The following MYH4 variants were observed in gnomAD, a reference collection of about 807,000 sequenced individuals.
MYH4 encodes the protein myosin heavy chain 4, also known as myosin-4.
In MYH4, 200 loss-of-function variants were observed where a neutral mutation model predicts 229.9. That is an observed-to-expected ratio of 0.87 (90% CI 0.78 to 0.98). MYH4 has a LOEUF of 0.98. Ranked by LOEUF, MYH4 falls within the 50% of genes least tolerant of loss-of-function variation. The pLI, the probability that MYH4 is intolerant of heterozygous loss-of-function variation, is 0.00. For synonymous variants in MYH4, 761 were observed against 834.6 expected (o/e 0.91, Z 1.52); for missense variants, 2,148 against 2,332.6 (o/e 0.92, Z 1.63).
At chr17:10,447,267 G>A (rs1421618268) in intron 34 of MYH4, 51 bp from the exon 35 acceptor site, 4 of 1,518,780 alleles carry the variant, frequency 2.6e-6, no homozygotes, top group Non-Finnish European at 3.6e-6. Context: ...TAAAGCAAAT[G>A]CAAACTTATG....
In MYH4 at chr17:10,447,883, T is replaced by C; in HGVS notation, c.4900A>G (p.Asn1634Asp). The C allele has an allele frequency of 6.2e-7, 1 of 1,614,110 alleles. No homozygotes were observed. Among genetic ancestry groups the C allele is most frequent in the South Asian group, 1.1e-5 (1 of 91,082 alleles). Residue 1634 changes from asparagine (N) to aspartate (D), a missense_variant, in exon 34 of 40, where the codon AAC becomes GAC. Asn to Asp is a conservative substitution (Grantham distance 23, BLOSUM62 1). Coordinates refer to ENST00000255381, the MANE Select transcript of MYH4 (RefSeq NM_017533.2). The part of the protein sequence containing the change: ...GDLNEMEIQL[N>D]HANRQAAEAL... ...TCAGCAGCCTGGCGGTTGGCATGGTTCAGCTGGATTTCCATTTCATTAAGA... is the reference window on the plus strand; with the variant it reads ...TCAGCAGCCTGGCGGTTGGCATGGTCCAGCTGGATTTCCATTTCATTAAGA...
chr17:10,465,798 G>C (rs568814926), intron 4 of MYH4, among the ~76,000 whole-genome samples, 200 bp from the exon 5 acceptor site: 316 of 114,168 alleles, frequency 2.8e-3, no homozygotes, highest in African/African-American at 9.8e-3. Flanking sequence ...TTTTTGAGAC[G>C]GAGTCTCGCT....
chr17:10,447,806 A>AC lies in MYH4; in HGVS notation c.4965+11dup, dbSNP rs771492488. 3.8e-6 allele frequency: 6 copies of AC among 1,595,552 alleles called. No individual in the cohort carries two copies. ...AGACTGTACAACACTATGTGTATTT[A>AC]CCCCAGCATACCTTCAGTATTCCTT... is the stretch of plus-strand genomic sequence containing the variant. On this transcript the variant is annotated intron_variant, in intron 34 of 39. Coordinates refer to ENST00000255381, the MANE Select transcript of MYH4 (RefSeq NM_017533.2).
intron 36 of MYH4, 44 bp from the exon 37 acceptor site, chr17:10,445,190 G>A (rs1237482736): frequency 6.2e-7 from 1 of 1,614,046 alleles, no homozygotes; most frequent in Non-Finnish European, 8.5e-7. Context: ...TCTGATGATA[G>A]CAGGCAGCAT....
chr17:10,460,819 A>T, intron 12 of MYH4, 97 bp downstream of exon 12: 1 of 1,330,428 alleles, frequency 7.5e-7, no homozygotes. Context: ...TTTGCCCTTC[A>T]CGAGCTAGGT....
At chr17:10,453,405 T>C in intron 23 of MYH4, 77 bp from the exon 24 acceptor site, 1 of 1,605,220 alleles carries the variant, frequency 6.2e-7, no homozygotes, top group Non-Finnish European at 8.5e-7. Flanking sequence ...TGTAGTATCT[T>C]AGGATAATGT....
chr17:10,448,428 T>C lies in MYH4; in HGVS notation c.4624A>G (p.Ser1542Gly). Residue 1542 changes from serine (S) to glycine (G), a missense_variant, in exon 33 of 40, where the codon AGT becomes GGT. Transcript: ENST00000255381. ...KVKKQLDHEK[S>G]ELQTSLEEAE... is the part of the protein sequence containing the mutation. ...TCCTCTAGGGAAGTCTGTAGTTCACTCTTCTCATGATCAAGTTGTTTCTTT... is the reference window on the plus strand; with the variant it reads ...TCCTCTAGGGAAGTCTGTAGTTCACCCTTCTCATGATCAAGTTGTTTCTTT... The C allele has an allele frequency of 6.2e-7, 1 of 1,613,978 alleles. No individual in the cohort carries two copies. The highest frequency in any genetic ancestry group is 8.5e-7 in the Non-Finnish European group (1 of 1,179,902).
rs751788154 is a variant in MYH4, at chr17:10,466,693, C to T, written c.53G>A (p.Arg18Gln). 9.3e-6 allele frequency: 15 copies of T among 1,614,142 alleles called. No homozygotes were observed. Among genetic ancestry groups the T allele is most frequent in the Middle Eastern group, 1.7e-4 (1 of 6,058 alleles). The change falls in exon 3 of 40, where the codon CGA becomes CAA. Residue 18 changes from arginine (R) to glutamine (Q), a missense_variant. Physicochemically the swap from Arg to Gln is conservative, Grantham distance 43. Transcript: ENST00000255381. ...TTCAATTCGCTCCTTTTCAGACTTT[C>T]GGAGGAAAGGAGCAGCCTCCCCAAA... The part of the protein sequence containing the change: ...AIFGEAAPFL[R>Q]KSEKERIEAQ...
At chr17:10,446,400 A>G (rs1224087386) in intron 35 of MYH4, among the ~76,000 whole-genome samples, 1 of 152,198 alleles carries the variant, frequency 6.6e-6, no homozygotes, top group Non-Finnish European at 1.5e-5. Flanking sequence ...GGGAAAAAAG[A>G]TCACACAGCC....
Position 10,454,988 on chromosome 17 carries a change from G to C in MYH4, c.2388C>G (p.Cys796Trp). ...ACTCCACTCTCATCAGGAACCCTCTGCATATGGCTTGAGTGCGCGTGATGA... is the reference window on the plus strand; with the variant it reads ...ACTCCACTCTCATCAGGAACCCTCTCCATATGGCTTGAGTGCGCGTGATGA... ...AQLITRTQAI[C>W]RGFLMRVEFR... The change falls in exon 21 of 40, where the codon TGC (cysteine) becomes TGG (tryptophan). Residue 796 changes from cysteine to tryptophan, a missense_variant. Cys to Trp is a radical substitution (Grantham distance 215). Coordinates refer to ENST00000255381, the MANE Select transcript of MYH4 (RefSeq NM_017533.2). 6.2e-7 allele frequency: 1 copy of C among 1,614,174 alleles called. No individual in the cohort carries two copies. The highest frequency in any genetic ancestry group is 8.5e-7 in the Non-Finnish European group (1 of 1,180,032).
intron 33 of MYH4, 89 bp downstream of exon 33, chr17:10,448,307 C>A: frequency 7.0e-7 from 1 of 1,433,802 alleles, no homozygotes; most frequent in Non-Finnish European, 9.4e-7. Flanking sequence ...TTGTGTTATT[C>A]CCTAAAGATT....
At position 10,466,292 on chromosome 17, in the gene MYH4, T is replaced by G; in HGVS notation, c.329A>C (p.Tyr110Ser). ...PAVLYNLKER[Y>S]AAWMIYTYSG... ...GCTCACGTAGATCATCCAGGCTGCG[T>G]AACGCTCTTTGAGGTTATACAGCAC... is the stretch of plus-strand genomic sequence containing the variant. The change falls in exon 4 of 40, where the codon TAC becomes TCC. Residue 110 changes from tyrosine to serine, a missense_variant. By Grantham distance (144) the Tyr-to-Ser change is moderately radical. Transcript: ENST00000255381. 6.2e-7 allele frequency: 1 copy of G among 1,614,174 alleles called. No homozygotes were observed. Among genetic ancestry groups the G allele is most frequent in the Non-Finnish European group, 8.5e-7 (1 of 1,180,030 alleles).
chr17:10,450,694 A>G (rs1479347042), intron 29 of MYH4, 45 bp from the exon 30 acceptor site: 1 of 1,611,528 alleles, frequency 6.2e-7, no homozygotes, highest in African/African-American at 1.3e-5. Context: ...TCTTCTGATC[A>G]TTGAAATTCT....
rs1303520445 is a variant in MYH4, at chr17:10,460,281, A to G, written c.1188T>C (p.Ala396=). Residue 396 remains alanine (A), a synonymous_variant, in exon 13 of 40, where the codon GCT becomes GCC. Coordinates refer to ENST00000255381, the MANE Select transcript of MYH4 (RefSeq NM_017533.2). ...GATAGCAGAGAGATTTGAGCAGGTC[A>G]GCAGAGTTCAGACTTGTCAGATAAG... is the stretch of plus-strand genomic sequence containing the variant. ...KAAYLTSLNS[A]DLLKSLCYPR... 6.2e-7 allele frequency: 1 copy of G among 1,613,662 alleles called. No individual in the cohort carries two copies. The highest frequency in any genetic ancestry group is 1.7e-5 in the Admixed American group (1 of 60,010).
intron 5 of MYH4, 41 bp from the exon 6 acceptor site, chr17:10,464,749 C>T (rs747799579): frequency 6.3e-7 from 1 of 1,594,796 alleles, no homozygotes; most frequent in Non-Finnish European, 8.6e-7. Context: ...GAAAAACACA[C>T]TTAACACATA....
At chr17:10,444,769 C>T in intron 38 of MYH4, 26 bp downstream of exon 38, 3 of 1,613,250 alleles carry the variant, frequency 1.9e-6, no homozygotes, top group Non-Finnish European at 2.5e-6. Context: ...AACTATAGGC[C>T]TGGAAGATAT....
At chr17:10,447,600 C>A (rs377282249) in intron 34 of MYH4, among the ~76,000 whole-genome samples, 1 of 152,214 alleles carries the variant, frequency 6.6e-6, no homozygotes, top group East Asian at 1.9e-4. Context: ...CTCCCTACCC[C>A]TCACCACAGT....
intron 39 of MYH4, 86 bp downstream of exon 39, chr17:10,444,518 A>G (rs2072488679): frequency 1.0e-6 from 1 of 976,986 alleles, no homozygotes; most frequent in East Asian, 2.4e-5. Flanking sequence ...CAATTTAAAG[A>G]AAACCCCCTA....
intron 33 of MYH4, 105 bp from the exon 34 acceptor site, chr17:10,448,231 A>G: frequency 3.8e-6 from 5 of 1,316,352 alleles, no homozygotes; most frequent in Non-Finnish European, 4.1e-6. Flanking sequence ...AAACTATCAT[A>G]CGTCTTAATG....
Sources: gnomAD v4.1 joint callset for allele counts (sites outside exome capture counted in the v4.1 genomes callset) on GRCh38, gnomAD v4.1.1 for gene constraint, MANE v1.5 for transcripts, NCBI Gene and HGNC (gene_info 2026-07-23, HGNC 2026-07-21) for gene names.